Variants in FAM135B observed in about 807,000 individuals in gnomAD.
FAM135B encodes the protein family with sequence similarity 135 member B, also known as protein FAM135B.
FAM135B carries 43 observed loss-of-function variants against 127.7 expected under a neutral mutation model. The ratio of observed to expected loss-of-function variants is 0.34; its 90% CI spans 0.26 to 0.43. FAM135B has a LOEUF of 0.43. Among genes scored for constraint, FAM135B ranks in the 20% least tolerant of loss-of-function variants. The probability of loss-of-function intolerance (pLI) is 1.00; values close to 1 mark genes in which losing one functional copy is unlikely to be tolerated. For synonymous variants in FAM135B, 670 were observed against 665.1 expected, an observed-to-expected ratio of 1.01 and a Z score of -0.11; for missense variants, 1,558 against 1,725.6, an observed-to-expected ratio of 0.90 and a Z score of 1.72.
At chr8:138,316,362 C>T (rs1285902737) in intron 2 of FAM135B, among the ~76,000 whole-genome samples, 3 of 151,996 alleles carry the variant, frequency 2.0e-5, no homozygotes, top group Non-Finnish European at 2.9e-5. Flanking sequence ...GGCGCAGTGG[C>T]GGGCGCCTGT....
In FAM135B at chr8:138,324,108, C is replaced by A. The variant is rs560414697; in HGVS notation, c.78-13188G>T. ...GAAACTGCAAATCCCCGTGTCCCAG[C>A]CAACTATAAACTAGTTGCATTTTCT... On this transcript the variant is annotated intron_variant, in intron 2 of 19. Transcript: ENST00000395297. 2.3e-4 allele frequency among the ~76,000 whole-genome samples: 35 copies of A among 152,310 alleles called. No individual in the cohort carries two copies. The South Asian group carries it at 7.0e-3, about 31-fold the overall frequency.
intron 7 of FAM135B, among the ~76,000 whole-genome samples, chr8:138,225,650 A>C (rs1819369038): frequency 6.6e-6 from 1 of 152,126 alleles, no homozygotes; most frequent in South Asian, 2.1e-4. Context: ...ACATAGTTTA[A>C]TAAGGCACTG....
chr8:138,149,210 T>C (rs536421656), intron 13 of FAM135B, among the ~76,000 whole-genome samples: 4 of 152,078 alleles, frequency 2.6e-5, no homozygotes, highest in Non-Finnish European at 4.4e-5. Context: ...GAAGCTTCTA[T>C]GGGTTTTGGT....
intron 5 of FAM135B, 76 bp downstream of exon 5, chr8:138,256,613 G>A: frequency 8.2e-7 from 1 of 1,216,742 alleles, no homozygotes. Context: ...TCAAGGCTAT[G>A]AGGCTATCCC....
At chr8:138,244,545 G>A (rs1046182144) in intron 6 of FAM135B, among the ~76,000 whole-genome samples, 3 of 152,198 alleles carry the variant, frequency 2.0e-5, no homozygotes, top group Non-Finnish European at 4.4e-5. Flanking sequence ...AAGCAGCAAG[G>A]CTTCCATCAA....
chr8:138,420,037 A>T (rs562780728), intron 1 of FAM135B, among the ~76,000 whole-genome samples: 40 of 152,280 alleles, frequency 2.6e-4, no homozygotes, highest in African/African-American at 9.4e-4. Flanking sequence ...TATACAAAAG[A>T]TCAACAAAAC....
intron 1 of FAM135B, among the ~76,000 whole-genome samples, chr8:138,400,294 T>C (rs537488997): frequency 1.3e-5 from 2 of 152,262 alleles, no homozygotes; most frequent in Admixed American, 1.3e-4. Flanking sequence ...GGCAATTGAT[T>C]CAGTCGCTTA....
At chr8:138,228,340 C>T (rs1819636719) in intron 7 of FAM135B, among the ~76,000 whole-genome samples, 1 of 151,994 alleles carries the variant, frequency 6.6e-6, no homozygotes, top group Non-Finnish European at 1.5e-5. Flanking sequence ...ATTTAAGAGA[C>T]TCCCCAGAGG....
intron 1 of FAM135B, among the ~76,000 whole-genome samples, chr8:138,474,486 TG>T (rs1814279339): frequency 6.6e-6 from 1 of 152,150 alleles, no homozygotes. Flanking sequence ...TTTATTTCTG[TG>T]TTATTCCAGG....
At chr8:138,256,654 T>G (rs2130543169) in intron 5 of FAM135B, 35 bp downstream of exon 5, 1 of 1,569,462 alleles carries the variant, frequency 6.4e-7, no homozygotes, top group Non-Finnish European at 8.8e-7. Flanking sequence ...GAGAGCACTG[T>G]GCTACTACAA....
At chr8:138,166,051 C>T (rs958888798) in intron 12 of FAM135B, among the ~76,000 whole-genome samples, 5 of 152,108 alleles carry the variant, frequency 3.3e-5, no homozygotes, top group Non-Finnish European at 7.3e-5. Flanking sequence ...GCACAGACAG[C>T]GAGGCAGAGC....
At chr8:138,414,109 C>T (rs1022046796) in intron 1 of FAM135B, among the ~76,000 whole-genome samples, 4 of 83,736 alleles carry the variant, frequency 4.8e-5, no homozygotes, top group Admixed American at 1.4e-4. Flanking sequence ...CCCCTGTTCA[C>T]ACACAAATAC....
chr8:138,305,943 A>G (rs566939749), intron 3 of FAM135B, among the ~76,000 whole-genome samples: 1 of 152,332 alleles, frequency 6.6e-6, no homozygotes, highest in Admixed American at 6.5e-5. Context: ...ATATGCATGT[A>G]TGTTTGTGTG....
chr8:138,364,938 C>G (rs970234653), intron 2 of FAM135B, among the ~76,000 whole-genome samples: 6 of 152,082 alleles, frequency 3.9e-5, no homozygotes, highest in Non-Finnish European at 7.4e-5. Context: ...ACCTCCACCT[C>G]CTGGTTCAAG....
chr8:138,355,481 T>C (rs1388833871), intron 2 of FAM135B, among the ~76,000 whole-genome samples: 1 of 152,076 alleles, frequency 6.6e-6, no homozygotes, highest in Admixed American at 6.6e-5. Context: ...AAAAAAATCA[T>C]TCACTCTCTT....
At chr8:138,427,758 C>CAA (rs1834979198) in intron 1 of FAM135B, among the ~76,000 whole-genome samples, 2 of 152,090 alleles carry the variant, frequency 1.3e-5, no homozygotes, top group Non-Finnish European at 2.9e-5. Context: ...TTGTATATTG[C>CAA]TGTTGAAATC....
At chr8:138,438,498 C>A (rs1339672248) in intron 1 of FAM135B, 1 of 152,086 alleles carries the variant, frequency 6.6e-6, no homozygotes, top group Non-Finnish European at 1.5e-5. Flanking sequence ...AAGAAAAAAA[C>A]AGAGCTAGGC....
chr8:138,178,720 G>A (rs753845343), intron 9 of FAM135B, 30 bp from the exon 10 acceptor site: 3 of 1,609,082 alleles, frequency 1.9e-6, no homozygotes, highest in South Asian at 1.1e-5. Flanking sequence ...GGTATTCAAG[G>A]CTCCTGACTC....
intron 2 of FAM135B, among the ~76,000 whole-genome samples, chr8:138,329,139 A>C (rs2130984446): frequency 6.6e-6 from 1 of 152,346 alleles, no homozygotes; most frequent in South Asian, 2.1e-4. Flanking sequence ...GACAGAGATA[A>C]GTAGATGTTG....
Sources: allele counts gnomAD v4.1 joint callset (sites outside exome capture counted in the v4.1 genomes callset), GRCh38; gene constraint gnomAD v4.1.1; transcripts MANE v1.5; gene names NCBI Gene and HGNC (gene_info 2026-07-23, HGNC 2026-07-21).